The following UNC5C variants were observed in gnomAD, a reference collection of about 807,000 sequenced individuals.
UNC5C encodes the protein netrin receptor UNC5C.
In UNC5C, 47 loss-of-function variants were observed where a neutral mutation model predicts 99.8. That is an observed-to-expected ratio of 0.47 (90% CI 0.37 to 0.60). UNC5C has a LOEUF of 0.60. Ranked by LOEUF, UNC5C falls within the 20% of genes least tolerant of loss-of-function variation. The probability of loss-of-function intolerance (pLI) is 0.00; values close to 1 mark genes in which losing one functional copy is unlikely to be tolerated. For missense variants in UNC5C, 1,062 were observed against 1,165.9 expected, an observed-to-expected ratio of 0.91 and a Z score of 1.30; for synonymous variants, 487 against 452.2, an observed-to-expected ratio of 1.08 and a Z score of -0.98.
At chr4:95,408,616 C>T (rs571832855) in intron 1 of UNC5C, among the ~76,000 whole-genome samples, 110 of 152,176 alleles carry the variant, frequency 7.2e-4, no homozygotes, top group South Asian at 1.7e-3. Flanking sequence ...AACACTGAAC[C>T]GTTTAATAAG....
intron 3 of UNC5C, among the ~76,000 whole-genome samples, chr4:95,288,716 T>A (rs540804368): frequency 5.3e-5 from 8 of 152,338 alleles, no homozygotes; most frequent in African/African-American, 1.9e-4. Flanking sequence ...ATTCCTTGGC[T>A]TGTGGCTACA....
intron 1 of UNC5C, among the ~76,000 whole-genome samples, chr4:95,413,804 G>A (rs1746080515): frequency 1.3e-5 from 2 of 152,180 alleles, no homozygotes; most frequent in Non-Finnish European, 2.9e-5. Flanking sequence ...GCAGCTACCT[G>A]GGTCATCTGG....
chr4:95,288,063 A>ATTAATTATTTATTTATTTAT (rs1741300570), intron 3 of UNC5C, among the ~76,000 whole-genome samples: 1 of 143,176 alleles, frequency 7.0e-6, no homozygotes, highest in Non-Finnish European at 1.5e-5. Context: ...CACTTTACAG[A>ATTAATTATTTATTTATTTAT]TTATTTATTT....
chr4:95,367,687 A>G (rs1188629438), intron 1 of UNC5C, among the ~76,000 whole-genome samples: 2 of 152,168 alleles, frequency 1.3e-5, no homozygotes, highest in Admixed American at 6.6e-5. Flanking sequence ...CTTTGAACAT[A>G]CTATTTATCC....
chr4:95,474,939 T>A (rs1748090379), intron 1 of UNC5C, among the ~76,000 whole-genome samples: 1 of 152,088 alleles, frequency 6.6e-6, no homozygotes, highest in African/African-American at 2.4e-5. Context: ...CTTTTTATGT[T>A]CACTTTACAG....
intron 7 of UNC5C, among the ~76,000 whole-genome samples, chr4:95,231,113 C>T (rs1014991158): frequency 8.5e-5 from 13 of 152,048 alleles, no homozygotes; most frequent in African/African-American, 3.1e-4. Context: ...AGATATGGTA[C>T]TTTTTATGCC....
At chr4:95,530,188 A>G (rs1240413884) in intron 1 of UNC5C, among the ~76,000 whole-genome samples, 1 of 152,208 alleles carries the variant, frequency 6.6e-6, no homozygotes, top group Non-Finnish European at 1.5e-5. Context: ...AGATTCTGAC[A>G]TATAACTATT....
intron 7 of UNC5C, among the ~76,000 whole-genome samples, chr4:95,220,554 A>T (rs1283576481): frequency 6.6e-6 from 1 of 152,214 alleles, no homozygotes; most frequent in East Asian, 1.9e-4. Context: ...TAAAAACATA[A>T]ACATAAACAC....
chr4:95,410,060 T>C (rs1012088572), intron 1 of UNC5C, among the ~76,000 whole-genome samples: 7 of 152,176 alleles, frequency 4.6e-5, no homozygotes, highest in Non-Finnish European at 1.0e-4. Context: ...ATGAAAATAG[T>C]GACTGCTAGT....
intron 1 of UNC5C, among the ~76,000 whole-genome samples, chr4:95,508,545 C>T (rs1721985639): frequency 2.0e-5 from 3 of 151,828 alleles, no homozygotes; most frequent in Middle Eastern, 3.2e-3. Context: ...AAAAAAAATG[C>T]CCTTTGAAAT....
intron 1 of UNC5C, among the ~76,000 whole-genome samples, chr4:95,519,385 A>T (rs1341744223): frequency 6.6e-6 from 1 of 152,110 alleles, no homozygotes; most frequent in African/African-American, 2.4e-5. Context: ...TGATTAAATG[A>T]TGTTCCCCCT....
chr4:95,395,778 A>T (rs1323591922), intron 1 of UNC5C, among the ~76,000 whole-genome samples: 1 of 152,218 alleles, frequency 6.6e-6, no homozygotes. Context: ...AGAGAGAAAC[A>T]TGACAATGTG....
intron 4 of UNC5C, among the ~76,000 whole-genome samples, chr4:95,276,643 A>G (rs1740871881): frequency 6.6e-6 from 1 of 152,200 alleles, no homozygotes; most frequent in East Asian, 1.9e-4. Flanking sequence ...TAGAAATACC[A>G]TTAAGAAGAC....
intron 1 of UNC5C, among the ~76,000 whole-genome samples, chr4:95,527,626 A>AT (rs1033082924): frequency 6.6e-6 from 1 of 152,100 alleles, no homozygotes; most frequent in African/African-American, 2.4e-5. Flanking sequence ...TGTAATTACT[A>AT]TTTTTACCTA....
chr4:95,494,074 G>A (rs929198042), intron 1 of UNC5C, among the ~76,000 whole-genome samples: 1 of 151,482 alleles, frequency 6.6e-6, no homozygotes, highest in East Asian at 1.9e-4. Context: ...TCACTCCAGG[G>A]TTCTTAAAAA....
intron 14 of UNC5C, among the ~76,000 whole-genome samples, chr4:95,176,952 T>TTGTGTGCCGG (rs1381473126): frequency 2.0e-5 from 3 of 151,786 alleles, no homozygotes; most frequent in Non-Finnish European, 4.4e-5. Context: ...TGGTGTGCCG[T>TTGTGTGCCGG]TTTTTAAGCC....
chr4:95,328,004 C>T (rs942377976), intron 2 of UNC5C, among the ~76,000 whole-genome samples: 1 of 146,500 alleles, frequency 6.8e-6, no homozygotes, highest in African/African-American at 2.5e-5. Context: ...ATAACATGTG[C>T]CCTCTGGGGC....
At chr4:95,465,544 A>T (rs1193368257) in intron 1 of UNC5C, among the ~76,000 whole-genome samples, 1 of 152,100 alleles carries the variant, frequency 6.6e-6, no homozygotes, top group Non-Finnish European at 1.5e-5. Context: ...GAAGAAAGCC[A>T]AATAGTCTTT....
At chr4:95,357,126 C>CTTTT (rs758274172) in intron 1 of UNC5C, among the ~76,000 whole-genome samples, 2 of 110,850 alleles carry the variant, frequency 1.8e-5, no homozygotes, top group African/African-American at 4.7e-5. Flanking sequence ...TCTTGTTTTC[C>CTTTT]TTTTTTTTGT....
Sources: gnomAD v4.1 joint callset for allele counts (sites outside exome capture counted in the v4.1 genomes callset) on GRCh38, gnomAD v4.1.1 for gene constraint, MANE v1.5 for transcripts, NCBI Gene and HGNC (gene_info 2026-07-23, HGNC 2026-07-21) for gene names.